Variants in LHFPL6 observed in about 807,000 individuals in gnomAD.
LHFPL6 encodes the protein LHFPL tetraspan subfamily member 6 protein.
A neutral mutation model predicts 20.6 loss-of-function variants in LHFPL6; 9 were observed. The observed-to-expected ratio is 0.44, with a 90% CI of 0.26 to 0.76. The LOEUF (loss-of-function observed/expected upper bound fraction) is 0.76. Ranked by LOEUF, LHFPL6 falls within the 30% of genes least tolerant of loss-of-function variation. LHFPL6 has a pLI of 0.20. For missense variants in LHFPL6, 218 were observed against 253.5 expected (o/e 0.86, Z 0.95); for synonymous variants, 105 against 98.7 (o/e 1.06, Z -0.38).
chr13:39,529,201 C>T (rs1202109455), intron 2 of LHFPL6, among the ~76,000 whole-genome samples: 2 of 152,092 alleles, frequency 1.3e-5, no homozygotes, highest in Non-Finnish European at 2.9e-5. Flanking sequence ...AAGTGATTCT[C>T]CTGCTTCAGT....
rs767985514 is a variant in LHFPL6, at chr13:39,407,397, T to C, written c.386-28871A>G. 2.9e-4 allele frequency among the ~76,000 whole-genome samples: 44 copies of C among 152,190 alleles called. 1 individual carries two copies. Among genetic ancestry groups the C allele is most frequent in the Non-Finnish European group, 7.3e-5 (5 of 68,032 alleles). Reference sequence around the variant, plus strand: ...GTTCACCTTGATGCAGGCTAAGGCATTTGTCTGCAGCAAGTAAGTTTTCCA... The same window carrying C: ...GTTCACCTTGATGCAGGCTAAGGCACTTGTCTGCAGCAAGTAAGTTTTCCA... On this transcript the variant is annotated intron_variant, in intron 2 of 3. Coordinates refer to ENST00000379589, the MANE Select transcript of LHFPL6 (RefSeq NM_005780.3).
intron 2 of LHFPL6, among the ~76,000 whole-genome samples, chr13:39,536,441 CCCAG>C (rs1165547060): frequency 6.6e-6 from 1 of 152,136 alleles, no homozygotes; most frequent in Non-Finnish European, 1.5e-5. Flanking sequence ...CCAAGATGCT[CCCAG>C]CCAATGACTG....
chr13:39,562,129 C>T (rs1871502501), intron 2 of LHFPL6, among the ~76,000 whole-genome samples: 1 of 152,072 alleles, frequency 6.6e-6, no homozygotes, highest in Non-Finnish European at 1.5e-5. Context: ...GCAGGATTAG[C>T]AGCCACTCTG....
At chr13:39,589,495 C>A (rs973935980) in intron 2 of LHFPL6, among the ~76,000 whole-genome samples, 5 of 152,150 alleles carry the variant, frequency 3.3e-5, no homozygotes, top group Non-Finnish European at 5.9e-5. Flanking sequence ...TTGTATCCAA[C>A]CCGACGAACC....
chr13:39,513,775 A>G (rs990724281), intron 2 of LHFPL6, among the ~76,000 whole-genome samples: 6 of 152,194 alleles, frequency 3.9e-5, no homozygotes, highest in African/African-American at 9.7e-5. Context: ...TCAAGATCCA[A>G]ACACAGGCCT....
At chr13:39,460,486 G>T (rs908952651) in intron 2 of LHFPL6, among the ~76,000 whole-genome samples, 3 of 152,158 alleles carry the variant, frequency 2.0e-5, no homozygotes, top group Non-Finnish European at 4.4e-5. Flanking sequence ...GCTGGCCCAG[G>T]ATTCACAGCA....
chr13:39,557,752 C>T (rs1871350482), intron 2 of LHFPL6, among the ~76,000 whole-genome samples: 1 of 152,212 alleles, frequency 6.6e-6, no homozygotes, highest in Admixed American at 6.5e-5. Flanking sequence ...GATAGTAACA[C>T]TTGATACCCT....
chr13:39,548,260 C>T (rs1472303334), intron 2 of LHFPL6, among the ~76,000 whole-genome samples: 1 of 152,034 alleles, frequency 6.6e-6, no homozygotes, highest in Non-Finnish European at 1.5e-5. Context: ...AGCAGACATT[C>T]CTCCCCAAAG....
chr13:39,600,694 T>C, intron 2 of LHFPL6, 138 bp downstream of exon 2: 1 of 909,728 alleles, frequency 1.1e-6, no homozygotes, highest in South Asian at 4.0e-5. Flanking sequence ...TGGCAACCTA[T>C]CATCAAAGCC....
At chr13:39,347,312 C>T (rs755597252) in intron 3 of LHFPL6, among the ~76,000 whole-genome samples, 5 of 152,044 alleles carry the variant, frequency 3.3e-5, no homozygotes, top group Admixed American at 6.6e-5. Flanking sequence ...ACTTCCAGAT[C>T]GTGGAAATGC....
At chr13:39,489,792 T>C (rs7317187) in intron 2 of LHFPL6, among the ~76,000 whole-genome samples, 99,877 of 151,948 alleles carry the variant, frequency 0.66, 33,042 homozygotes, top group East Asian at 0.85. Flanking sequence ...TGAGCACAAG[T>C]GATCCATCCG....
chr13:39,596,646 G>A (rs1267301113), intron 2 of LHFPL6, among the ~76,000 whole-genome samples: 2 of 73,640 alleles, frequency 2.7e-5, no homozygotes, highest in Non-Finnish European at 2.6e-5. Context: ...TAATCTATAA[G>A]GCATAATTTA....
chr13:39,436,433 T>C (rs1194925328), intron 2 of LHFPL6, among the ~76,000 whole-genome samples: 1 of 152,234 alleles, frequency 6.6e-6, no homozygotes, highest in Non-Finnish European at 1.5e-5. Flanking sequence ...AATTATATCA[T>C]ACATGACAGC....
chr13:39,588,921 C>T (rs1872528807), intron 2 of LHFPL6, among the ~76,000 whole-genome samples: 1 of 152,120 alleles, frequency 6.6e-6, no homozygotes, highest in African/African-American at 2.4e-5. Context: ...ATGAAACTTT[C>T]TTTTTTATCC....
chr13:39,553,559 A>AT (rs951186979), intron 2 of LHFPL6, among the ~76,000 whole-genome samples: 20 of 152,112 alleles, frequency 1.3e-4, no homozygotes, highest in African/African-American at 3.6e-4. Flanking sequence ...AAAAAAAAAT[A>AT]TTTTTTTTAA....
intron 2 of LHFPL6, among the ~76,000 whole-genome samples, chr13:39,429,187 T>G (rs545656891): frequency 1.1e-4 from 12 of 114,280 alleles, no homozygotes; most frequent in African/African-American, 3.7e-4. Flanking sequence ...ATCCTTACTG[T>G]TTTTTTTTTC....
At chr13:39,511,472 A>T (rs914484129) in intron 2 of LHFPL6, among the ~76,000 whole-genome samples, 15 of 151,778 alleles carry the variant, frequency 9.9e-5, no homozygotes, top group African/African-American at 3.6e-4. Context: ...TTCTTAAAAA[A>T]AAAAAAAAAA....
intron 2 of LHFPL6, among the ~76,000 whole-genome samples, chr13:39,494,950 C>G (rs887512624): frequency 1.3e-5 from 2 of 152,202 alleles, no homozygotes. Context: ...AGTCATTTAA[C>G]TGTGTGACTG....
chr13:39,588,543 A>G (rs1158914520), intron 2 of LHFPL6, among the ~76,000 whole-genome samples: 1 of 152,244 alleles, frequency 6.6e-6, no homozygotes, highest in Non-Finnish European at 1.5e-5. Flanking sequence ...AGCTTTTAAA[A>G]TGTGCTTGAA....
Sources: gnomAD v4.1 joint callset for allele counts (sites outside exome capture counted in the v4.1 genomes callset) on GRCh38, gnomAD v4.1.1 for gene constraint, MANE v1.5 for transcripts, NCBI Gene and HGNC (gene_info 2026-07-23, HGNC 2026-07-21) for gene names.